The following AHDC1 variants were observed in gnomAD, a reference collection of about 807,000 sequenced individuals.
AHDC1 encodes AT-hook DNA binding motif containing 1.
AHDC1 carries 7 observed loss-of-function variants against 87.9 expected under a neutral mutation model. That is an observed-to-expected ratio of 0.08 (90% CI 0.05 to 0.15). The LOEUF (loss-of-function observed/expected upper bound fraction) is 0.15, where lower values mean the gene tolerates loss of function less well. AHDC1 is among the 10% of genes least tolerant of loss of function. The probability of loss-of-function intolerance (pLI) is 1.00; values close to 1 mark genes in which losing one functional copy is unlikely to be tolerated. For synonymous variants in AHDC1, 1,051 were observed against 1,006.8 expected, an observed-to-expected ratio of 1.04 and a Z score of -0.83; for missense variants, 1,841 against 2,253.2, an observed-to-expected ratio of 0.82 and a Z score of 3.70.
Position 27,550,348 on chromosome 1 carries a change from G to A in AHDC1, c.1768C>T (p.Arg590Trp), listed in dbSNP as rs1348957460. 3 of 1,614,022 alleles carry A rather than the reference G, an allele frequency of 1.9e-6. No individual in the cohort carries two copies. Among genetic ancestry groups the A allele is most frequent in the African/African-American group, 1.3e-5 (1 of 75,054 alleles). The change falls in exon 8 of 9, where the codon CGG becomes TGG. Residue 590 changes from arginine (R) to tryptophan (W), a missense_variant. Physicochemically the swap from Arg to Trp is moderately radical, Grantham distance 101. This residue lies in a region of AHDC1 where 84 missense variants were observed against 111.7 expected (regional missense o/e 0.75). Transcript: ENST00000673934. ...AMPEVKKRRR[R>W]KQKLASPQPS... Reference sequence around the variant, plus strand: ...TGGGGAGATGCCAGCTTCTGCTTCCGCCGCCGTCGTTTTTTTACCTCTGGC... The same window carrying A: ...TGGGGAGATGCCAGCTTCTGCTTCCACCGCCGTCGTTTTTTTACCTCTGGC...
rs2019182625 is a variant in AHDC1, at chr1:27,546,662, G to A, written c.*43+599C>T. 4.6e-5 allele frequency among the ~76,000 whole-genome samples: 7 copies of A among 152,194 alleles called. No homozygotes were observed. The South Asian group carries it at 1.4e-3, about 31-fold the overall frequency. ...AATAGCCTTTGGGGGTACCTTGGGAGGCCAAGAGAGGACATTTTGGACCAT... is the reference window on the plus strand; with the variant it reads ...AATAGCCTTTGGGGGTACCTTGGGAAGCCAAGAGAGGACATTTTGGACCAT... On this transcript the variant is annotated intron_variant, in intron 8 of 8. Transcript: ENST00000673934.
At position 27,550,963 on chromosome 1, in the gene AHDC1, G is replaced by A. The variant is rs775689053; in HGVS notation, c.1153C>T (p.Arg385Trp). The A allele has an allele frequency of 3.1e-6, 5 of 1,595,704 alleles. No individual in the cohort carries two copies. Among genetic ancestry groups the A allele is most frequent in the Admixed American group, 1.7e-5 (1 of 59,132 alleles). Residue 385 changes from arginine to tryptophan, a missense_variant, in exon 8 of 9, where the codon CGG becomes TGG. Physicochemically the swap from Arg to Trp is moderately radical, Grantham distance 101. This residue lies in a region of AHDC1 where 370 missense variants were observed against 391.5 expected (regional missense o/e 0.95). Coordinates refer to ENST00000673934, the MANE Select transcript of AHDC1 (RefSeq NM_001371928.1). ...AGGATCTTTGGCCTATCAGTGCGCC[G>A]CAAGGCGTACTTGGGGTGACCCTCA... is the stretch of plus-strand genomic sequence containing the variant. ...GPEGHPKYAL[R>W]RTDRPKILCR...
rs1033143029 is a variant in AHDC1, at chr1:27,550,555, G to A, written c.1561C>T (p.Leu521=). ...LRVSAEPTPL[L]KMKNNGRNVV... ...TTCCGCCCATTGTTCTTCATCTTCA[G>A]CAGCGGGGTGGGCTCAGCCGACACG... Residue 521 remains leucine, a synonymous_variant, in exon 8 of 9, where the codon CTG becomes TTG. Transcript: ENST00000673934. 6.2e-7 allele frequency: 1 copy of A among 1,613,060 alleles called. No individual in the cohort carries two copies. The highest frequency in any genetic ancestry group is 1.3e-5 in the African/African-American group (1 of 74,936).
At chr1:27,587,829 T>C (rs1009622576) in intron 3 of AHDC1, among the ~76,000 whole-genome samples, 1 of 152,206 alleles carries the variant, frequency 6.6e-6, no homozygotes, top group Admixed American at 6.5e-5. Context: ...ACCTTGCTCA[T>C]AGAGGTTGTA....
chr1:27,549,249 C>A lies in AHDC1; in HGVS notation c.2867G>T (p.Arg956Leu), dbSNP rs760400267. ...KLVPPPSAMA[R>L]SPTTHPPANT... ...GGCAGGCGGGTGGGTGGTAGGTGAG[C>A]GGGCCATGGCTGAGGGCGGGGGCAC... The change falls in exon 8 of 9, where the codon CGC becomes CTC. Residue 956 changes from arginine to leucine, a missense_variant. Arg to Leu is a moderately radical substitution (Grantham distance 102). Coordinates refer to ENST00000673934, the MANE Select transcript of AHDC1 (RefSeq NM_001371928.1). 6.2e-7 allele frequency: 1 copy of A among 1,602,742 alleles called. No individual in the cohort carries two copies. The highest frequency in any genetic ancestry group is 8.5e-7 in the Non-Finnish European group (1 of 1,173,046).
At chr1:27,597,591 C>T (rs550267071) in intron 3 of AHDC1, among the ~76,000 whole-genome samples, 4 of 152,108 alleles carry the variant, frequency 2.6e-5, no homozygotes, top group East Asian at 1.9e-4. Flanking sequence ...GGGCTCTGGG[C>T]GGCTTCTCTC....
intron 3 of AHDC1, among the ~76,000 whole-genome samples, chr1:27,575,984 G>C (rs990882049): frequency 2.6e-5 from 4 of 152,084 alleles, no homozygotes; most frequent in Non-Finnish European, 4.4e-5. Context: ...GACTGGAGGC[G>C]CCCGGCAGCG....
At chr1:27,537,733 T>G (rs988531085) in intron 8 of AHDC1, among the ~76,000 whole-genome samples, 1 of 152,168 alleles carries the variant, frequency 6.6e-6, no homozygotes, top group African/African-American at 2.4e-5. Context: ...CACCTTTTAG[T>G]GCCTCCGTGA....
At chr1:27,582,528 A>T (rs775032940) in intron 3 of AHDC1, among the ~76,000 whole-genome samples, 2 of 152,228 alleles carry the variant, frequency 1.3e-5, no homozygotes, top group African/African-American at 4.8e-5. Context: ...ACATATCACC[A>T]TCTAACGACC....
At chr1:27,585,614 C>A (rs1571325017) in intron 3 of AHDC1, among the ~76,000 whole-genome samples, 1 of 152,186 alleles carries the variant, frequency 6.6e-6, no homozygotes, top group East Asian at 1.9e-4. Flanking sequence ...ACTGAAGACA[C>A]ACAAGGAAAC....
chr1:27,573,288 G>A (rs540298714), intron 3 of AHDC1, among the ~76,000 whole-genome samples: 18 of 152,306 alleles, frequency 1.2e-4, no homozygotes, highest in Admixed American at 3.9e-4. Flanking sequence ...CGCTATGCAG[G>A]AGGAAGGAAA....
chr1:27,586,768 G>T, intron 3 of AHDC1, among the ~76,000 whole-genome samples: 1 of 152,164 alleles, frequency 6.6e-6, no homozygotes, highest in East Asian at 1.9e-4. Flanking sequence ...TATCCCCAGG[G>T]CACTCCAAGC....
chr1:27,543,368 G>A (rs1034283281), intron 8 of AHDC1, among the ~76,000 whole-genome samples: 1 of 152,214 alleles, frequency 6.6e-6, no homozygotes, highest in African/African-American at 2.4e-5. Flanking sequence ...TGTCTGCACA[G>A]GGCCAAGGCC....
chr1:27,566,020 C>T (rs1299953573), intron 3 of AHDC1, among the ~76,000 whole-genome samples: 1 of 152,190 alleles, frequency 6.6e-6, no homozygotes, highest in Non-Finnish European at 1.5e-5. Flanking sequence ...AAGAGGGATC[C>T]TTTGGGGTGA....
intron 3 of AHDC1, among the ~76,000 whole-genome samples, chr1:27,576,879 A>G (rs2088768469): frequency 6.6e-6 from 1 of 152,104 alleles, no homozygotes; most frequent in South Asian, 2.1e-4. Context: ...GGCCCTGTCT[A>G]GGCACTGGCC....
intron 3 of AHDC1, among the ~76,000 whole-genome samples, chr1:27,588,029 C>T (rs1460990677): frequency 2.6e-5 from 4 of 152,206 alleles, no homozygotes; most frequent in Admixed American, 2.6e-4. Flanking sequence ...CAAAGATTTC[C>T]CATAACCCCT....
rs1291894418 is a variant in AHDC1, at chr1:27,534,248, G to GTTTT, written c.*708_*711dup. Reference sequence around the variant, plus strand: ...CCCCCTTTCACAAGACACAAGGTTGGTTTTTTTTTTTTGTTTTTTTTTTGT... The same window carrying GTTTT: ...CCCCCTTTCACAAGACACAAGGTTGGTTTTTTTTTTTTTTTTGTTTTTTTTTTGT... On this transcript the variant is annotated 3_prime_UTR_variant, in exon 9 of 9. Transcript: ENST00000673934. 4 of 113,660 alleles carry GTTTT rather than the reference G, an allele frequency of 3.5e-5. No individual in the cohort carries two copies. The highest frequency in any genetic ancestry group is 1.3e-4 in the African/African-American group (4 of 30,390). The allele number at this position is 113,660 out of a possible 1,614,324, so 7.0% of individuals were successfully genotyped here.
At position 27,547,371 on chromosome 1, in the gene AHDC1, T is replaced by C. The variant is rs1373792606; in HGVS notation, c.4745A>G (p.Lys1582Arg). 5 of 1,555,096 alleles carry C rather than the reference T, an allele frequency of 3.2e-6. No individual in the cohort carries two copies. Among genetic ancestry groups the C allele is most frequent in the Non-Finnish European group, 4.3e-6 (5 of 1,151,880 alleles). The change falls in exon 8 of 9, where the codon AAG becomes AGG. Residue 1582 changes from lysine (K) to arginine (R), a missense_variant. Coordinates refer to ENST00000673934, the MANE Select transcript of AHDC1 (RefSeq NM_001371928.1). The surrounding 1 kb of genome is among the most constrained non-coding windows in gnomAD (Gnocchi z 4.9). ...QAHPGLGGGP[K>R]SGFLGPMAEP... ...CGCCATGGGCCCCAGGAAGCCGCTCTTGGGGCCCCCACCCAGGCCAGGATG... is the reference window on the plus strand; with the variant it reads ...CGCCATGGGCCCCAGGAAGCCGCTCCTGGGGCCCCCACCCAGGCCAGGATG...
chr1:27,552,079 T>A lies in AHDC1; in HGVS notation c.37A>T (p.Ser13Cys). The change falls in exon 8 of 9, where the codon AGT becomes TGT. Residue 13 changes from serine to cysteine, a missense_variant. Ser to Cys is a moderately radical substitution (Grantham distance 112). This residue lies in a region of AHDC1 where 142 missense variants were observed against 165.6 expected (regional missense o/e 0.86). Coordinates refer to ENST00000673934, the MANE Select transcript of AHDC1 (RefSeq NM_001371928.1). The stretch of plus-strand genomic sequence containing the variant: ...TAGTCAGGAGAGCTGCACACGGCAC[T>A]GGAAGTCACCACCAGGCCCTGGGGC... ...VKPQGLVVTSSAVCSSPDYLR... is the reference protein window; with the variant it reads ...VKPQGLVVTSCAVCSSPDYLR... 6.7e-7 allele frequency: 1 copy of A among 1,487,844 alleles called. No homozygotes were observed. The highest frequency in any genetic ancestry group is 8.9e-7 in the Non-Finnish European group (1 of 1,119,632). The allele number at this position is 1,487,844 out of a possible 1,614,324, so 92.2% of individuals were successfully genotyped here. A position where few individuals can be genotyped will look rare whatever the true frequency, so the allele number is the denominator to read the frequency against.
Sources: gnomAD v4.1 joint callset for allele counts (sites outside exome capture counted in the v4.1 genomes callset) on GRCh38, gnomAD v4.1.1 for gene constraint, gnomAD v4.1.1 regional missense constraint, Gnocchi (gnomAD v3.1) non-coding constraint, MANE v1.5 for transcripts, NCBI Gene and HGNC (gene_info 2026-07-23, HGNC 2026-07-21) for gene names.